Variants in CELSR3 observed in about 807,000 individuals in gnomAD.
CELSR3 encodes the protein cadherin EGF LAG seven-pass G-type receptor 3.
A neutral mutation model predicts 270.0 loss-of-function variants in CELSR3; 73 were observed. The ratio of observed to expected loss-of-function variants is 0.27; its 90% CI spans 0.22 to 0.33. The LOEUF is 0.33. CELSR3 is among the 10% of genes least tolerant of loss of function. The pLI, the probability that CELSR3 is intolerant of heterozygous loss-of-function variation, is 1.00. For synonymous variants in CELSR3, 1,780 were observed against 1,905.4 expected (o/e 0.93, Z 1.71); for missense variants, 3,614 against 4,533.8 (o/e 0.80, Z 5.83).
In CELSR3 at chr3:48,661,789, G is replaced by T. The variant is rs757157522; in HGVS notation, c.846C>A (p.Phe282Leu). 7.2e-5 allele frequency: 115 copies of T among 1,606,024 alleles called. No homozygotes were observed. The highest frequency in any genetic ancestry group is 5.1e-6 in the Non-Finnish European group (6 of 1,177,916). ...GGCGCTGCGGGAGGAAGCGGCAGCG[G>T]AAGAGACCCCGGGAGCGCATGCGCT... ...APKRMRSRGL[F>L]RCRFLPQRPG... is the part of the protein sequence containing the mutation. The change falls in exon 1 of 35, where the codon TTC becomes TTA. Residue 282 changes from phenylalanine to leucine, a missense_variant. Around this residue, in one of 7 missense-constraint regions of CELSR3, gnomAD observed 470 missense variants for 469.7 expected, o/e 1.00. Coordinates refer to ENST00000164024, the MANE Select transcript of CELSR3 (RefSeq NM_001407.3).
chr3:48,655,818 G>A lies in CELSR3; in HGVS notation c.4659C>T (p.Phe1553=). The part of the protein sequence containing the change: ...FATVQQSGLL[F]YNGRLNEKHD... ...GCTTCTCGTTCAGGCGCCCGTTGTA[G>A]AAGAGCAGCCCGCTCTGCTGCACTG... The change falls in exon 4 of 35, where the codon TTC becomes TTT. Residue 1553 remains phenylalanine (F), a synonymous_variant. Transcript: ENST00000164024. The surrounding 1 kb of genome is among the most constrained non-coding windows in gnomAD (Gnocchi z 5.8). 1.4e-6 allele frequency: 2 copies of A among 1,414,380 alleles called. No homozygotes were observed. Among genetic ancestry groups the A allele is most frequent in the Non-Finnish European group, 9.5e-7 (1 of 1,056,686 alleles). The allele number at this position is 1,414,380 out of a possible 1,614,324, so 87.6% of individuals were successfully genotyped here.
rs1209353596 is a variant in CELSR3, at chr3:48,651,292, C to CA, written c.6186+66dup. The stretch of plus-strand genomic sequence containing the variant: ...AGGGCCCAAGTCAGGTGGCGGAGGT[C>CA]AGCAAGCTGGACAGGAATTGCAGAT... On this transcript the variant is annotated intron_variant, in intron 14 of 34. Transcript: ENST00000164024. This position sits in a 1 kb window ranked among gnomAD's most constrained non-coding sequence, Gnocchi z 7.4. The CA allele has an allele frequency of 6.8e-5, 109 of 1,597,150 alleles. No individual in the cohort carries two copies. Among genetic ancestry groups the CA allele is most frequent in the Non-Finnish European group, 8.4e-5 (98 of 1,168,706 alleles).
rs1190996986 is a variant in CELSR3 at position 48,651,525 on chromosome 3, A to T, written c.6066-46T>A. Reference sequence around the variant, plus strand: ...AAGATGCCTCCACGGTATCCCAGTGACCCTCCCTGTCCCTGCCAGGTCTCC... The same window carrying T: ...AAGATGCCTCCACGGTATCCCAGTGTCCCTCCCTGTCCCTGCCAGGTCTCC... On this transcript the variant is annotated intron_variant, in intron 13 of 34. Coordinates refer to ENST00000164024, the MANE Select transcript of CELSR3 (RefSeq NM_001407.3). The surrounding 1 kb of genome is among the most constrained non-coding windows in gnomAD (Gnocchi z 7.4). The T allele has an allele frequency of 1.9e-6, 3 of 1,606,308 alleles. No individual in the cohort carries two copies. In the Admixed American group the frequency reaches 5.0e-5, roughly 27 times the overall value.
Position 48,641,069 on chromosome 3 carries a change from A to G in CELSR3, c.9025+255T>C. ...GAAGCAGCTCCTAGGGTCTCTGAAA[A>G]ACAGATGGGCTGGGGCAGGAGTGGT... On this transcript the variant is annotated intron_variant, in intron 33 of 34. Transcript: ENST00000164024. The surrounding 1 kb of genome is among the most constrained non-coding windows in gnomAD (Gnocchi z 4.8). 2.0e-6 allele frequency: 1 copy of G among 511,726 alleles called. No individual in the cohort carries two copies. Among genetic ancestry groups the G allele is most frequent in the Non-Finnish European group, 3.5e-6 (1 of 288,818 alleles). 31.7% of individuals were successfully genotyped at this position (511,726 alleles called of 1,614,324 possible). A position where few individuals can be genotyped will look rare whatever the true frequency, so the allele number is the denominator to read the frequency against.
Position 48,652,079 on chromosome 3 carries a change from C to A in CELSR3, c.5752-31G>T. On this transcript the variant is annotated intron_variant, in intron 11 of 34. Coordinates refer to ENST00000164024, the MANE Select transcript of CELSR3 (RefSeq NM_001407.3). This position sits in a 1 kb window ranked among gnomAD's most constrained non-coding sequence, Gnocchi z 4.3. The stretch of plus-strand genomic sequence containing the variant: ...GACACACAGCCAGCAAGGGGTGAGA[C>A]CATGTTAAGGCACCTCAGCCTCAAG... 1 of 1,504,582 alleles carries A rather than the reference C, an allele frequency of 6.6e-7. No homozygotes were observed. Among genetic ancestry groups the A allele is most frequent in the African/African-American group, 1.4e-5 (1 of 71,270 alleles). The allele number at this position is 1,504,582 out of a possible 1,614,324, so 93.2% of individuals were successfully genotyped here.
chr3:48,652,653 G>T lies in CELSR3; in HGVS notation c.5635-100C>A. The T allele has an allele frequency of 1.1e-6, 1 of 891,370 alleles. No homozygotes were observed. Among genetic ancestry groups the T allele is most frequent in the Non-Finnish European group, 1.7e-6 (1 of 591,668 alleles). The allele number at this position is 891,370 out of a possible 1,614,324, so 55.2% of individuals were successfully genotyped here. A position where few individuals can be genotyped will look rare whatever the true frequency, so the allele number is the denominator to read the frequency against. ...GGCCTTCTTCTAGCCCTTCTAGGCTGCCCCCTCCCTCCTGGACCCACAGTA... is the reference window on the plus strand; with the variant it reads ...GGCCTTCTTCTAGCCCTTCTAGGCTTCCCCCTCCCTCCTGGACCCACAGTA... On this transcript the variant is annotated intron_variant, in intron 10 of 34. Coordinates refer to ENST00000164024, the MANE Select transcript of CELSR3 (RefSeq NM_001407.3). The surrounding 1 kb of genome is among the most constrained non-coding windows in gnomAD (Gnocchi z 4.3).
chr3:48,643,163 G>A (rs2047045674), intron 28 of CELSR3, 80 bp from the exon 29 acceptor site: 2 of 941,158 alleles, frequency 2.1e-6, no homozygotes, highest in South Asian at 1.4e-5. Context: ...TCAGCAATGG[G>A]GTCAGTCACT....
chr3:48,658,755 G>T lies in CELSR3; in HGVS notation c.3748+132C>A. 1 of 1,056,080 alleles carries T rather than the reference G, an allele frequency of 9.5e-7. No homozygotes were observed. Among genetic ancestry groups the T allele is most frequent in the Non-Finnish European group, 1.4e-6 (1 of 730,730 alleles). The allele number at this position is 1,056,080 out of a possible 1,614,324, so 65.4% of individuals were successfully genotyped here. ...TGAGGTCTGTGGCAGATCTTGTAGG[G>T]TGCAGGAACCCTACCCTTAAGGGGT... On this transcript the variant is annotated intron_variant, in intron 1 of 34. Transcript: ENST00000164024. The surrounding 1 kb of genome is among the most constrained non-coding windows in gnomAD (Gnocchi z 4.7).
At position 48,655,988 on chromosome 3, in the gene CELSR3, C is replaced by T; in HGVS notation, c.4626-137G>A. ...GGGACGGCGGGACCGACCGGGGGGA[C>T]GCGGGTGCAGCGAGGTCAGGAGACC... On this transcript the variant is annotated intron_variant, in intron 3 of 34. Transcript: ENST00000164024. This position sits in a 1 kb window ranked among gnomAD's most constrained non-coding sequence, Gnocchi z 5.8. The T allele has an allele frequency of 9.0e-7, 1 of 1,117,232 alleles. No homozygotes were observed. Among genetic ancestry groups the T allele is most frequent in the Non-Finnish European group, 1.3e-6 (1 of 772,376 alleles). The allele number at this position is 1,117,232 out of a possible 1,614,324, so 69.2% of individuals were successfully genotyped here. A position where few individuals can be genotyped will look rare whatever the true frequency, so the allele number is the denominator to read the frequency against.
Position 48,644,618 on chromosome 3 carries a change from G to A in CELSR3, c.8085+98C>T. 1 of 945,256 alleles carries A rather than the reference G, an allele frequency of 1.1e-6. No individual in the cohort carries two copies. Among genetic ancestry groups the A allele is most frequent in the South Asian group, 1.5e-5 (1 of 67,154 alleles). 58.6% of individuals were successfully genotyped at this position (945,256 alleles called of 1,614,324 possible). On this transcript the variant is annotated intron_variant, in intron 26 of 34. Coordinates refer to ENST00000164024, the MANE Select transcript of CELSR3 (RefSeq NM_001407.3). This position sits in a 1 kb window ranked among gnomAD's most constrained non-coding sequence, Gnocchi z 4.8. ...AATGAAGGCCGAGCCCAGGAAGCCT[G>A]CAGAATGCCACCTGACCGCCCTCAG...
At position 48,658,084 on chromosome 3, in the gene CELSR3, G is replaced by A. The variant is rs1444585274; in HGVS notation, c.3749-736C>T. On this transcript the variant is annotated intron_variant, in intron 1 of 34. Transcript: ENST00000164024. The surrounding 1 kb of genome is among the most constrained non-coding windows in gnomAD (Gnocchi z 4.7). ...CCCAGAGATGAAGGTGAGGTGCTTAGCTGCCTTGTTCGTCTTGTCCCCACA... is the reference window on the plus strand; with the variant it reads ...CCCAGAGATGAAGGTGAGGTGCTTAACTGCCTTGTTCGTCTTGTCCCCACA... Among the ~76,000 whole-genome samples the A allele has an allele frequency of 6.6e-6, 1 of 152,216 alleles. No homozygotes were observed. Among genetic ancestry groups the A allele is most frequent in the Non-Finnish European group, 1.5e-5 (1 of 68,050 alleles).
Position 48,650,381 on chromosome 3 carries a change from G to A in CELSR3, c.6472+99C>T. The stretch of plus-strand genomic sequence containing the variant: ...CCCACCCCACTTCCACCTCTTTGCA[G>A]GAACAAAGCCACCCAATTTAGGAAA... On this transcript the variant is annotated intron_variant, in intron 16 of 34. Transcript: ENST00000164024. The surrounding 1 kb of genome is among the most constrained non-coding windows in gnomAD (Gnocchi z 5.1). 1 of 985,510 alleles carries A rather than the reference G, an allele frequency of 1.0e-6. No individual in the cohort carries two copies. Among genetic ancestry groups the A allele is most frequent in the African/African-American group, 1.6e-5 (1 of 62,078 alleles). 61.0% of individuals were successfully genotyped at this position (985,510 alleles called of 1,614,324 possible). A position where few individuals can be genotyped will look rare whatever the true frequency, so the allele number is the denominator to read the frequency against.
Position 48,656,285 on chromosome 3 carries a change from G to T in CELSR3, c.4480C>A (p.Pro1494Thr). Residue 1494 changes from proline (P) to threonine (T), a missense_variant, in exon 3 of 35, where the codon CCC becomes ACC. Pro to Thr is a conservative substitution (Grantham distance 38, BLOSUM62 -1). Coordinates refer to ENST00000164024, the MANE Select transcript of CELSR3 (RefSeq NM_001407.3). ...CRNGGTCTDA[P>T]NGGFRCQCPA... The stretch of plus-strand genomic sequence containing the variant: ...CACTGGCAGCGAAAGCCGCCGTTGG[G>T]CGCGTCGGTGCAGGTGCCCCCGTTG... 6.5e-7 allele frequency: 1 copy of T among 1,532,254 alleles called. No individual in the cohort carries two copies. Among genetic ancestry groups the T allele is most frequent in the Non-Finnish European group, 8.7e-7 (1 of 1,145,292 alleles). The allele number at this position is 1,532,254 out of a possible 1,614,324, so 94.9% of individuals were successfully genotyped here.
chr3:48,643,241 G>T lies in CELSR3; in HGVS notation c.8290-158C>A, dbSNP rs2047046547. On this transcript the variant is annotated intron_variant, in intron 28 of 34. Coordinates refer to ENST00000164024, the MANE Select transcript of CELSR3 (RefSeq NM_001407.3). Reference sequence around the variant, plus strand: ...TAAGGGAGTTGGGGAAGGTCAGCAGGGGAGAGGATGGAGCAGCAGGAGTGG... The same window carrying T: ...TAAGGGAGTTGGGGAAGGTCAGCAGTGGAGAGGATGGAGCAGCAGGAGTGG... 3 of 636,062 alleles carry T rather than the reference G, an allele frequency of 4.7e-6. No individual in the cohort carries two copies. The African/African-American group carries it at 5.5e-5, about 12-fold the overall frequency. 39.4% of individuals were successfully genotyped at this position (636,062 alleles called of 1,614,324 possible). A position where few individuals can be genotyped will look rare whatever the true frequency, so the allele number is the denominator to read the frequency against.
At chr3:48,643,451 G>A in intron 28 of CELSR3, 103 bp downstream of exon 28, 1 of 1,435,068 alleles carries the variant, frequency 7.0e-7, no homozygotes, top group Non-Finnish European at 9.3e-7. Flanking sequence ...AAGTTATCCA[G>A]TAAGAGTCAG....
In CELSR3 at chr3:48,661,004, T is replaced by C. The variant is rs1277897438; in HGVS notation, c.1631A>G (p.Gln544Arg). ...CGCCACGTAGCGCTTCTCGCTGAAC[T>C]GAGGAGCATTGTCGTTCTCGTCTAG... Reference protein sequence around the residue: ...TVLDENDNAPQFSEKRYVAQV... With the variant: ...TVLDENDNAPRFSEKRYVAQV... The change falls in exon 1 of 35, where the codon CAG (glutamine) becomes CGG (arginine). Residue 544 changes from glutamine (Q) to arginine (R), a missense_variant. Physicochemically the swap from Gln to Arg is conservative, Grantham distance 43. Around this residue, in one of 7 missense-constraint regions of CELSR3, gnomAD observed 354 missense variants for 500.9 expected, o/e 0.71. Transcript: ENST00000164024. 1.9e-6 allele frequency: 3 copies of C among 1,613,892 alleles called. No individual in the cohort carries two copies. In the Admixed American group the frequency reaches 5.0e-5, roughly 27 times the overall value.
intron 16 of CELSR3, 42 bp from the exon 17 acceptor site, chr3:48,649,257 C>A (rs1297663945): frequency 6.6e-7 from 1 of 1,520,776 alleles, no homozygotes; most frequent in African/African-American, 1.4e-5. Context: ...GGCCTGGATA[C>A]CTTTGCTGAG....
rs1402640140 is a variant in CELSR3, at chr3:48,652,527, C to T, written c.5661G>A (p.Leu1887=). Residue 1887 remains leucine, a synonymous_variant, in exon 11 of 35, where the codon CTG becomes CTA. Transcript: ENST00000164024. This position sits in a 1 kb window ranked among gnomAD's most constrained non-coding sequence, Gnocchi z 4.3. ...FQDTMAVGSE[L]QGLKVKQLHV... is the part of the protein sequence containing the mutation. ...GGAGCTGCTTTACCTTCAGGCCCTG[C>T]AGCTCACTCCCCACCGCCATGGTGT... is the stretch of plus-strand genomic sequence containing the variant. 1.9e-6 allele frequency: 3 copies of T among 1,612,392 alleles called. No homozygotes were observed. Among genetic ancestry groups the T allele is most frequent in the South Asian group, 1.1e-5 (1 of 90,950 alleles).
Position 48,650,061 on chromosome 3 carries a change from A to AGGGG in CELSR3, c.6472+415_6472+418dup, listed in dbSNP as rs1174803945. Among the ~76,000 whole-genome samples, 1 of 151,854 alleles carries AGGGG rather than the reference A, an allele frequency of 6.6e-6. No homozygotes were observed. The highest frequency in any genetic ancestry group is 2.4e-5 in the African/African-American group (1 of 41,318). On this transcript the variant is annotated intron_variant, in intron 16 of 34. Transcript: ENST00000164024. The surrounding 1 kb of genome is among the most constrained non-coding windows in gnomAD (Gnocchi z 5.1). ...TCTATGGGGACCCCAGGAACTGAGA[A>AGGGG]GGGGTCAGCAGGGTCCTCAGGCAAT... is the stretch of plus-strand genomic sequence containing the variant.
Sources: allele counts gnomAD v4.1 joint callset (sites outside exome capture counted in the v4.1 genomes callset), GRCh38; gene constraint gnomAD v4.1.1; regional missense constraint gnomAD v4.1.1; non-coding constraint Gnocchi (gnomAD v3.1); transcripts MANE v1.5; gene names NCBI Gene and HGNC (gene_info 2026-07-23, HGNC 2026-07-21).